STRA8: variants seen among roughly 807,000 people sequenced by gnomAD.
The protein encoded by STRA8 is stimulated by retinoic acid 8.
STRA8 carries 18 observed loss-of-function variants against 37.1 expected under a neutral mutation model. That is an observed-to-expected ratio of 0.48 (90% CI 0.34 to 0.72). STRA8 has a LOEUF of 0.72. STRA8 is among the 30% of genes least tolerant of loss of function. The pLI, the probability that STRA8 is intolerant of heterozygous loss-of-function variation, is 0.01. For synonymous variants in STRA8, 168 were observed against 162.9 expected (o/e 1.03, Z -0.24); for missense variants, 357 against 410.4 (o/e 0.87, Z 1.13).
intron 1 of STRA8, 99 bp from the exon 2 acceptor site, chr7:135,240,420 G>A (rs968052385): frequency 2.5e-6 from 3 of 1,191,204 alleles, no homozygotes; most frequent in Admixed American, 2.3e-5. Context: ...ACTTGGGAAG[G>A]GTACCTCCTT....
At chr7:135,235,396 C>CT (rs3039083) in intron 1 of STRA8, among the ~76,000 whole-genome samples, 90,310 of 142,314 alleles carry the variant, frequency 0.63, 30,876 homozygotes, top group Admixed American at 0.79. Context: ...TTATGAGTGG[C>CT]TTTTTTTTTT....
intron 1 of STRA8, among the ~76,000 whole-genome samples, chr7:135,236,266 A>G (rs199853499): frequency 6.8e-6 from 1 of 146,144 alleles, no homozygotes; most frequent in South Asian, 2.4e-4. Flanking sequence ...ATATATATAT[A>G]TGTGTGTGTG....
chr7:135,242,284 G>T (rs1187817577), intron 2 of STRA8, among the ~76,000 whole-genome samples: 2 of 152,066 alleles, frequency 1.3e-5, no homozygotes, highest in African/African-American at 4.8e-5. Flanking sequence ...TAGAGTTCAG[G>T]TTGACAGCAT....
chr7:135,235,697 C>T (rs1832364914), intron 1 of STRA8, among the ~76,000 whole-genome samples: 1 of 152,130 alleles, frequency 6.6e-6, no homozygotes, highest in Admixed American at 6.5e-5. Flanking sequence ...CCGCCTTGGC[C>T]CCCCAACATG....
intron 6 of STRA8, among the ~76,000 whole-genome samples, chr7:135,251,409 A>G (rs979550298): frequency 6.6e-6 from 1 of 152,080 alleles, no homozygotes; most frequent in African/African-American, 2.4e-5. Flanking sequence ...AGACAGCTAG[A>G]CTGGGGACCC....
chr7:135,244,049 GT>G (rs749543577), intron 4 of STRA8, among the ~76,000 whole-genome samples: 13 of 152,094 alleles, frequency 8.5e-5, no homozygotes, highest in Non-Finnish European at 1.8e-4. Context: ...TTTTGTTTTT[GT>G]TTTTGGTTTG....
At chr7:135,249,194 C>T (rs897248514) in intron 6 of STRA8, among the ~76,000 whole-genome samples, 1 of 152,124 alleles carries the variant, frequency 6.6e-6, no homozygotes, top group African/African-American at 2.4e-5. Context: ...TGATATATGG[C>T]ACTCGATATT....
intron 8 of STRA8, among the ~76,000 whole-genome samples, chr7:135,256,490 A>G (rs1832704973): frequency 6.6e-6 from 1 of 152,216 alleles, no homozygotes; most frequent in Non-Finnish European, 1.5e-5. Context: ...GATAACAAGC[A>G]GGGATTCTTG....
upstream of STRA8, among the ~76,000 whole-genome samples, chr7:135,232,514 G>A (rs1462302857): frequency 6.6e-6 from 1 of 151,980 alleles, no homozygotes; most frequent in Non-Finnish European, 1.5e-5. Context: ...GTGGTGGTGC[G>A]GGGCTGTAGT....
rs1352062775 is a variant in STRA8 at position 135,246,181 on chromosome 7, A to C, written c.594-236A>C. ...TCTAACACAGAAGGCTTCATGGGGC[A>C]GGGACTGGGAGAACTTGGGGAGGGG... On this transcript the variant is annotated intron_variant, in intron 5 of 8. Coordinates refer to ENST00000662584, the MANE Select transcript of STRA8 (RefSeq NM_001394401.1). This position sits in a 1 kb window ranked among gnomAD's most constrained non-coding sequence, Gnocchi z 5.4. The C allele has an allele frequency of 6.9e-6, 4 of 582,674 alleles. No homozygotes were observed. The highest frequency in any genetic ancestry group is 1.2e-5 in the Non-Finnish European group (4 of 327,576). 36.1% of individuals were successfully genotyped at this position (582,674 alleles called of 1,614,324 possible).
At chr7:135,236,333 T>C (rs915590659) in intron 1 of STRA8, among the ~76,000 whole-genome samples, 1 of 151,638 alleles carries the variant, frequency 6.6e-6, no homozygotes, top group Admixed American at 6.6e-5. Context: ...TCATCCAAAA[T>C]CACAAAGTCA....
At chr7:135,232,493 A>ATT (rs1832308232), upstream of STRA8, among the ~76,000 whole-genome samples, 1 of 152,086 alleles carries the variant, frequency 6.6e-6, no homozygotes, top group Non-Finnish European at 1.5e-5. Context: ...AAAATTAAAA[A>ATT]TTAGCATGGT....
intron 2 of STRA8, among the ~76,000 whole-genome samples, chr7:135,241,031 T>C (rs1435335012): frequency 1.3e-5 from 2 of 152,150 alleles, no homozygotes; most frequent in Non-Finnish European, 2.9e-5. Flanking sequence ...AGGACTCTTT[T>C]ATAAGGGCAC....
intron 7 of STRA8, among the ~76,000 whole-genome samples, chr7:135,253,728 G>A (rs1832668703): frequency 6.6e-6 from 1 of 152,212 alleles, no homozygotes. Flanking sequence ...TTCCCTTGCT[G>A]CTTTGCTTGA....
At chr7:135,244,928 C>T (rs1044614375) in intron 4 of STRA8, among the ~76,000 whole-genome samples, 5 of 152,148 alleles carry the variant, frequency 3.3e-5, no homozygotes, top group African/African-American at 7.2e-5. Flanking sequence ...CCATTAAGCA[C>T]GATGTTAGCG....
intron 3 of STRA8, 66 bp from the exon 4 acceptor site, chr7:135,243,260 G>T: frequency 1.3e-6 from 2 of 1,563,800 alleles, no homozygotes; most frequent in Non-Finnish European, 1.8e-6. Flanking sequence ...GGGCCAGAAG[G>T]GTGGGAGAGA....
chr7:135,258,168 T>TA (rs1165275984), intron 8 of STRA8, among the ~76,000 whole-genome samples: 1 of 152,154 alleles, frequency 6.6e-6, no homozygotes, highest in African/African-American at 2.4e-5. Flanking sequence ...ATCCCCAGGA[T>TA]AAAAAAGAAG....
At position 135,243,449 on chromosome 7, in the gene STRA8, G is replaced by A. The variant is rs370340448; in HGVS notation, c.353+39G>A. ...AACCCCAGGAAGCTGGGGACCTGCT[G>A]TGTCCTCACAGCCATCAGTACTGTC... is the stretch of plus-strand genomic sequence containing the variant. On this transcript the variant is annotated intron_variant, in intron 4 of 8. Transcript: ENST00000662584. 5.6e-6 allele frequency: 9 copies of A among 1,595,114 alleles called. No homozygotes were observed. In the African/African-American group the frequency reaches 9.4e-5, roughly 17 times the overall value.
In STRA8 at chr7:135,246,513, C is replaced by T. The variant is rs1832557858; in HGVS notation, c.690C>T (p.Ile230=). ...EAALPIVSAA[I]SHLWQNLSEE... Reference sequence around the variant, plus strand: ...CGCTGCCCATCGTCTCCGCGGCCATCTCCCACCTGTGGCAGAACCTCTCGG... The same window carrying T: ...CGCTGCCCATCGTCTCCGCGGCCATTTCCCACCTGTGGCAGAACCTCTCGG... The change falls in exon 6 of 9, where the codon ATC becomes ATT. Residue 230 remains isoleucine, a synonymous_variant. Coordinates refer to ENST00000662584, the MANE Select transcript of STRA8 (RefSeq NM_001394401.1). This position sits in a 1 kb window ranked among gnomAD's most constrained non-coding sequence, Gnocchi z 5.4. 2 of 1,576,606 alleles carry T rather than the reference C, an allele frequency of 1.3e-6. No homozygotes were observed. The highest frequency in any genetic ancestry group is 1.7e-6 in the Non-Finnish European group (2 of 1,160,974).
Sources: allele counts gnomAD v4.1 joint callset (sites outside exome capture counted in the v4.1 genomes callset), GRCh38; gene constraint gnomAD v4.1.1; non-coding constraint Gnocchi (gnomAD v3.1); transcripts MANE v1.5; gene names NCBI Gene and HGNC (gene_info 2026-07-23, HGNC 2026-07-21).